Variants in TEX11 observed in about 807,000 individuals in gnomAD.
The protein encoded by TEX11 is testis expressed 11.
TEX11 carries 7 observed loss-of-function variants against 84.4 expected under a neutral mutation model. That is an observed-to-expected ratio of 0.08 (90% confidence interval 0.05 to 0.16). TEX11 has a LOEUF of 0.16. Ranked by LOEUF, TEX11 falls within the 10% of genes least tolerant of loss-of-function variation. The probability of loss-of-function intolerance (pLI) is 1.00; values close to 1 mark genes in which losing one functional copy is unlikely to be tolerated. For synonymous variants in TEX11, 264 were observed against 222.8 expected (o/e 1.18, Z -1.64); for missense variants, 551 against 660.5 (o/e 0.83, Z 1.82).
chrX:70,901,652 C>T (rs2091803752), intron 2 of TEX11, among the ~76,000 whole-genome samples: 1 of 111,960 alleles, frequency 8.9e-6, no homozygotes. Context: ...TGACAGGAGG[C>T]GGAGCTCAGG....
At chrX:70,571,246 T>C (rs1416409706) in intron 25 of TEX11, among the ~76,000 whole-genome samples, 1 of 112,271 alleles carries the variant, frequency 8.9e-6, no homozygotes, top group East Asian at 2.8e-4. Flanking sequence ...CTCAAACTCC[T>C]GACCTCAGGT....
intron 24 of TEX11, among the ~76,000 whole-genome samples, chrX:70,599,398 T>A (rs1419968091): frequency 8.9e-6 from 1 of 111,943 alleles, no homozygotes; most frequent in African/African-American, 3.3e-5. Flanking sequence ...GTAGAGGCAA[T>A]GTTGATAAAA....
At chrX:70,697,504 G>A (rs760061288) in intron 13 of TEX11, among the ~76,000 whole-genome samples, 147 of 111,802 alleles carry the variant, frequency 1.3e-3, no homozygotes, top group Non-Finnish European at 2.5e-3. Context: ...GCCTGTAAAT[G>A]GGCTCAGTGT....
intron 20 of TEX11, among the ~76,000 whole-genome samples, chrX:70,617,344 T>TTA (rs397784762): frequency 0.41 from 42,710 of 103,289 alleles, 7,883 homozygotes; most frequent in Non-Finnish European, 0.55. Flanking sequence ...AGTGAAGGTT[T>TTA]TATATATATA....
chrX:70,908,188 A>G (rs933432882), intron 1 of TEX11, among the ~76,000 whole-genome samples: 2 of 111,588 alleles, frequency 1.8e-5, no homozygotes, highest in African/African-American at 6.5e-5. Flanking sequence ...CACCTTCAGT[A>G]TCCTGCCCCC....
intron 12 of TEX11, among the ~76,000 whole-genome samples, chrX:70,723,029 GCCATAGGCAAGT>G (rs1225631418): frequency 9.0e-6 from 1 of 111,523 alleles, no homozygotes; most frequent in African/African-American, 3.3e-5. Flanking sequence ...TACTTGTATG[GCCATAGGCAAGT>G]TATGCTCTCT....
At chrX:70,695,009 C>G (rs1166572696) in intron 13 of TEX11, among the ~76,000 whole-genome samples, 1 of 111,891 alleles carries the variant, frequency 8.9e-6, no homozygotes, top group Non-Finnish European at 1.9e-5. Flanking sequence ...CAAACACCTC[C>G]CAAGTCCTAA....
intron 9 of TEX11, among the ~76,000 whole-genome samples, chrX:70,788,917 T>C (rs774179885): frequency 1.1e-5 from 1 of 87,340 alleles, no homozygotes; most frequent in South Asian, 6.5e-4. Context: ...CTAATCCATA[T>C]ATCCAGTAAG....
At chrX:70,790,855 G>C (rs1472550086) in intron 9 of TEX11, among the ~76,000 whole-genome samples, 1 of 112,346 alleles carries the variant, frequency 8.9e-6, no homozygotes, top group Non-Finnish European at 1.9e-5. Flanking sequence ...TGCAGGCCCA[G>C]TCCCAATCCT....
chrX:70,848,349 C>G (rs1323039880), intron 7 of TEX11, among the ~76,000 whole-genome samples: 4 of 111,995 alleles, frequency 3.6e-5, no homozygotes, highest in Non-Finnish European at 7.5e-5. Context: ...ACATTTCTGC[C>G]TATATGACTT....
At chrX:70,768,472 A>G (rs1016266100) in intron 9 of TEX11, among the ~76,000 whole-genome samples, 2 of 111,608 alleles carry the variant, frequency 1.8e-5, no homozygotes, top group African/African-American at 3.3e-5. Context: ...AGGGTAATTT[A>G]TAAAGAAAAG....
chrX:70,891,904 G>A (rs2091740123), intron 2 of TEX11, among the ~76,000 whole-genome samples: 1 of 111,227 alleles, frequency 9.0e-6, no homozygotes, highest in African/African-American at 3.3e-5. Context: ...TAGTCCTTGA[G>A]AAGAGCAACA....
intron 28 of TEX11, among the ~76,000 whole-genome samples, chrX:70,536,169 T>G (rs2087955182): frequency 9.0e-6 from 1 of 111,450 alleles, no homozygotes; most frequent in African/African-American, 3.3e-5. Flanking sequence ...TAGTACTTAC[T>G]ATGTGCTGCT....
intron 25 of TEX11, among the ~76,000 whole-genome samples, chrX:70,556,740 T>G (rs1036899839): frequency 2.7e-5 from 3 of 111,595 alleles, no homozygotes; most frequent in African/African-American, 9.8e-5. Context: ...TTCCAAGTAG[T>G]TATGGATTTG....
chrX:70,613,283 A>C (rs1294027821), intron 20 of TEX11, among the ~76,000 whole-genome samples: 5 of 111,953 alleles, frequency 4.5e-5, no homozygotes, highest in Non-Finnish European at 7.5e-5. Context: ...TATTGTTGAA[A>C]GAGGAACTGA....
chrX:70,833,318 G>C (rs762018804), intron 8 of TEX11, among the ~76,000 whole-genome samples, 195 bp downstream of exon 8: 1 of 107,294 alleles, frequency 9.3e-6, no homozygotes, highest in Admixed American at 1.0e-4. Context: ...AGAAAAAAAA[G>C]AAATATTCCA....
chrX:70,613,935 C>A (rs751026536), intron 20 of TEX11, among the ~76,000 whole-genome samples: 3 of 111,427 alleles, frequency 2.7e-5, no homozygotes, highest in Admixed American at 9.5e-5. Flanking sequence ...GATGCACACC[C>A]TGGGCCAGAA....
intron 13 of TEX11, among the ~76,000 whole-genome samples, chrX:70,697,162 T>TAA (rs2090287532): frequency 8.9e-6 from 1 of 112,229 alleles, no homozygotes. Context: ...CTTCTGCTTT[T>TAA]AAGAGCTTGT....
At chrX:70,594,783 T>C (rs2088982486) in intron 24 of TEX11, among the ~76,000 whole-genome samples, 1 of 111,390 alleles carries the variant, frequency 9.0e-6, no homozygotes, top group Non-Finnish European at 1.9e-5. Flanking sequence ...ATCTGATGGT[T>C]CTGTAAGTGG....
Sources: allele counts gnomAD v4.1 joint callset (sites outside exome capture counted in the v4.1 genomes callset), GRCh38; gene constraint gnomAD v4.1.1; transcripts MANE v1.5; gene names NCBI Gene and HGNC (gene_info 2026-07-23, HGNC 2026-07-21).